The following CCDC69 variants were observed in gnomAD, a reference collection of about 807,000 sequenced individuals.
CCDC69 encodes the protein coiled-coil domain-containing protein 69.
A neutral mutation model predicts 40.3 loss-of-function variants in CCDC69; 38 were observed. That is an observed-to-expected ratio of 0.94 (90% CI 0.73 to 1.24). CCDC69 has a LOEUF of 1.24. Ranked by LOEUF, CCDC69 falls within the 50% of genes most tolerant of loss-of-function variation. The pLI is 0.00. For synonymous variants in CCDC69, 141 were observed against 138.9 expected (o/e 1.02, Z -0.11); for missense variants, 389 against 357.9 (o/e 1.09, Z -0.70).
At chr5:151,223,512 A>G (rs1195320183) in intron 1 of CCDC69, among the ~76,000 whole-genome samples, 1 of 152,094 alleles carries the variant, frequency 6.6e-6, no homozygotes. Context: ...TCTGTGGAAC[A>G]CTCTTCGAGC....
At chr5:151,192,063 A>G (rs1561599111) in intron 4 of CCDC69, among the ~76,000 whole-genome samples, 1 of 130,548 alleles carries the variant, frequency 7.7e-6, no homozygotes, top group East Asian at 2.5e-4. Context: ...CCAGCCTGGG[A>G]GACAGAGCAA....
chr5:151,190,881 T>C (rs1752600766), intron 4 of CCDC69, among the ~76,000 whole-genome samples: 1 of 151,784 alleles, frequency 6.6e-6, no homozygotes, highest in African/African-American at 2.4e-5. Context: ...CATCCTAAAA[T>C]GGTAGACTTC....
chr5:151,200,104 A>G (rs763569658), intron 3 of CCDC69, among the ~76,000 whole-genome samples: 11 of 151,876 alleles, frequency 7.2e-5, no homozygotes, highest in Non-Finnish European at 1.5e-4. Context: ...ATAAATAACC[A>G]TGTGATTTAA....
chr5:151,199,130 G>A (rs1180270500), intron 3 of CCDC69, 46 bp from the exon 4 acceptor site: 3 of 1,488,290 alleles, frequency 2.0e-6, no homozygotes, highest in African/African-American at 1.4e-5. Context: ...AGCAGGATCA[G>A]CACAGCATCT....
intron 4 of CCDC69, among the ~76,000 whole-genome samples, chr5:151,191,899 C>T (rs1299006162): frequency 6.6e-6 from 1 of 151,692 alleles, no homozygotes; most frequent in Non-Finnish European, 1.5e-5. Flanking sequence ...GCCTGGGTAA[C>T]ATAGAGAGAC....
intron 8 of CCDC69, among the ~76,000 whole-genome samples, chr5:151,184,138 T>C (rs960834654): frequency 1.3e-5 from 2 of 152,152 alleles, no homozygotes; most frequent in Admixed American, 6.5e-5. Flanking sequence ...GACAAACAGA[T>C]ACTAATCAAG....
chr5:151,205,361 C>T (rs761084704), intron 2 of CCDC69, 39 bp downstream of exon 2: 2 of 1,494,198 alleles, frequency 1.3e-6, no homozygotes, highest in Non-Finnish European at 1.9e-6. Context: ...AGGAACCTCA[C>T]AGATGGCAGT....
chr5:151,197,842 G>A (rs1752721480), intron 4 of CCDC69, among the ~76,000 whole-genome samples: 1 of 152,102 alleles, frequency 6.6e-6, no homozygotes, highest in South Asian at 2.1e-4. Context: ...GCCTAACAAA[G>A]GGACTCAGTT....
At chr5:151,199,968 G>A (rs1752754315) in intron 3 of CCDC69, among the ~76,000 whole-genome samples, 1 of 152,082 alleles carries the variant, frequency 6.6e-6, no homozygotes, top group Non-Finnish European at 1.5e-5. Context: ...AACACCTGAG[G>A]GCAGGGTCTG....
chr5:151,184,728 A>C, intron 7 of CCDC69: 1 of 313,662 alleles, frequency 3.2e-6, no homozygotes, highest in Non-Finnish European at 6.0e-6. Flanking sequence ...AAAAGTCAGA[A>C]GGATATGATC....
intron 4 of CCDC69, among the ~76,000 whole-genome samples, chr5:151,189,239 A>G (rs1752569436): frequency 6.6e-6 from 1 of 152,196 alleles, no homozygotes; most frequent in Non-Finnish European, 1.5e-5. Context: ...GAGTGAATAT[A>G]CTTTTAGGAA....
rs142390680 is a variant in CCDC69, at chr5:151,208,177, G to A, written c.49-2702C>T. Reference sequence around the variant, plus strand: ...GAGGCATGAGAATTGCTTGAACCCAGGAGGTGGAAGTTGCAGTGAGCCAAG... The same window carrying A: ...GAGGCATGAGAATTGCTTGAACCCAAGAGGTGGAAGTTGCAGTGAGCCAAG... On this transcript the variant is annotated intron_variant, in intron 1 of 8. Transcript: ENST00000355417. Among the ~76,000 whole-genome samples, 66 of 152,294 alleles carry A rather than the reference G, an allele frequency of 4.3e-4. No individual in the cohort carries two copies. The East Asian group carries it at 0.011, about 26-fold the overall frequency.
At chr5:151,194,311 A>G (rs1752663730) in intron 4 of CCDC69, among the ~76,000 whole-genome samples, 1 of 152,272 alleles carries the variant, frequency 6.6e-6, no homozygotes, top group African/African-American at 2.4e-5. Context: ...GAATGAGTAA[A>G]CAATGGAATA....
intron 4 of CCDC69, among the ~76,000 whole-genome samples, chr5:151,191,545 G>T (rs980162739): frequency 1.3e-5 from 2 of 152,132 alleles, no homozygotes; most frequent in Non-Finnish European, 2.9e-5. Flanking sequence ...AATCAAACTG[G>T]AAATCAAATA....
At chr5:151,203,892 T>C (rs1244079321) in intron 2 of CCDC69, among the ~76,000 whole-genome samples, 1 of 143,018 alleles carries the variant, frequency 7.0e-6, no homozygotes, top group East Asian at 2.0e-4. Context: ...ATAGTATATA[T>C]ATAAAATATA....
intron 1 of CCDC69, among the ~76,000 whole-genome samples, chr5:151,210,488 G>A (rs1752930539): frequency 6.6e-6 from 1 of 152,080 alleles, no homozygotes; most frequent in South Asian, 2.1e-4. Flanking sequence ...AGGTTGCAGT[G>A]AGCCAAGATC....
intron 5 of CCDC69, 54 bp from the exon 6 acceptor site, chr5:151,186,178 G>C (rs2113984571): frequency 8.1e-7 from 1 of 1,240,664 alleles, no homozygotes; most frequent in African/African-American, 1.5e-5. Context: ...AAATGCTGTA[G>C]GTGAACTTCG....
intron 1 of CCDC69, among the ~76,000 whole-genome samples, chr5:151,206,736 T>C (rs1156968310): frequency 6.6e-6 from 1 of 151,340 alleles, no homozygotes; most frequent in Non-Finnish European, 1.5e-5. Flanking sequence ...GTTCAAGTGA[T>C]TCTCCTGCCT....
intron 4 of CCDC69, among the ~76,000 whole-genome samples, chr5:151,190,735 TA>T (rs1168370411): frequency 4.1e-5 from 6 of 144,630 alleles, no homozygotes; most frequent in Admixed American, 2.1e-4. Flanking sequence ...GAGTAACCAT[TA>T]AAAAAAATAC....
Sources: gnomAD v4.1 joint callset for allele counts (sites outside exome capture counted in the v4.1 genomes callset) on GRCh38, gnomAD v4.1.1 for gene constraint, MANE v1.5 for transcripts, NCBI Gene and HGNC (gene_info 2026-07-23, HGNC 2026-07-21) for gene names.